The following RFX3 variants were observed in gnomAD, a reference collection of about 807,000 sequenced individuals.
RFX3 encodes the protein transcription factor RFX3.
Under a neutral mutation model 98.6 loss-of-function variants are expected in RFX3, and 14 were observed. The observed-to-expected ratio is 0.14, with a 90% CI of 0.09 to 0.22. The LOEUF (loss-of-function observed/expected upper bound fraction) is 0.22. Ranked by LOEUF, RFX3 falls within the 10% of genes least tolerant of loss-of-function variation. The pLI is 1.00. For missense variants in RFX3, 639 were observed against 926.9 expected (o/e 0.69, Z 4.03); for synonymous variants, 383 against 328.4 (o/e 1.17, Z -1.80).
chr9:3,415,097 CAT>C (rs201814673), intron 1 of RFX3, among the ~76,000 whole-genome samples: 3 of 85,910 alleles, frequency 3.5e-5, no homozygotes, highest in South Asian at 2.8e-4. Context: ...TATATATACT[CAT>C]ATATAAGTAT....
At chr9:3,424,945 G>C (rs1843863723) in intron 1 of RFX3, among the ~76,000 whole-genome samples, 1 of 152,096 alleles carries the variant, frequency 6.6e-6, no homozygotes, top group Non-Finnish European at 1.5e-5. Context: ...ATGATTTTTT[G>C]TTGGCCAGGC....
chr9:3,404,933 T>G (rs1320263643), intron 1 of RFX3, among the ~76,000 whole-genome samples: 1 of 152,190 alleles, frequency 6.6e-6, no homozygotes, highest in Non-Finnish European at 1.5e-5. Context: ...GCTGACACTT[T>G]GTTATTTAGT....
At chr9:3,285,796 A>G (rs1405644060) in intron 7 of RFX3, among the ~76,000 whole-genome samples, 1 of 151,752 alleles carries the variant, frequency 6.6e-6, no homozygotes, top group Non-Finnish European at 1.5e-5. Context: ...TGAGATTCTT[A>G]TATCATTTCT....
Position 3,424,348 on chromosome 9 carries a change from C to CTTTT in RFX3, c.-8-28756_-8-28753dup, listed in dbSNP as rs748693786. ...AGAGTCACTGTAATTACATAATTGA[C>CTTTT]TTTTTTTTTTTTTTTTTTTTTTTTT... On this transcript the variant is annotated intron_variant, in intron 1 of 16. Coordinates refer to ENST00000617270, the MANE Select transcript of RFX3 (RefSeq NM_001282116.2). 2.0e-3 allele frequency among the ~76,000 whole-genome samples: 150 copies of CTTTT among 76,008 alleles called. 44 individuals are homozygous for CTTTT. The highest frequency in any genetic ancestry group is 5.5e-3 in the African/African-American group (85 of 15,420). 49.9% of individuals were successfully genotyped at this position (76,008 alleles called of 152,430 possible). A position where few individuals can be genotyped will look rare whatever the true frequency, so the allele number is the denominator to read the frequency against.
chr9:3,250,399 G>A (rs1350314739), intron 14 of RFX3, among the ~76,000 whole-genome samples: 2 of 151,918 alleles, frequency 1.3e-5, no homozygotes, highest in Non-Finnish European at 2.9e-5. Context: ...TGGAATTAAA[G>A]AAATGAAAAT....
chr9:3,484,671 C>T (rs531595574), intron 1 of RFX3, among the ~76,000 whole-genome samples: 15 of 152,228 alleles, frequency 9.9e-5, no homozygotes, highest in African/African-American at 3.1e-4. Flanking sequence ...TTACTAAAAG[C>T]GGATCAAGTT....
chr9:3,476,282 C>A (rs957995878), intron 1 of RFX3, among the ~76,000 whole-genome samples: 3 of 151,454 alleles, frequency 2.0e-5, no homozygotes, highest in African/African-American at 7.3e-5. Flanking sequence ...TGGAACAACT[C>A]GTGCCCCTGG....
chr9:3,270,289 A>C, intron 11 of RFX3, 82 bp downstream of exon 11: 4 of 1,309,622 alleles, frequency 3.1e-6, no homozygotes, highest in Non-Finnish European at 4.2e-6. Context: ...GAATCATTCT[A>C]GATTGCAATG....
chr9:3,274,352 C>T (rs1480777355), intron 9 of RFX3, among the ~76,000 whole-genome samples: 1 of 152,190 alleles, frequency 6.6e-6, no homozygotes, highest in African/African-American at 2.4e-5. Context: ...ATCTTTTACT[C>T]CTAAGTAGAT....
chr9:3,460,490 C>T (rs1209274175), intron 1 of RFX3, among the ~76,000 whole-genome samples: 1 of 151,930 alleles, frequency 6.6e-6, no homozygotes, highest in East Asian at 1.9e-4. Flanking sequence ...CCCAGTTTTC[C>T]TCTACCTTAT....
At chr9:3,339,600 A>C (rs1203515775) in intron 3 of RFX3, among the ~76,000 whole-genome samples, 1 of 152,218 alleles carries the variant, frequency 6.6e-6, no homozygotes, top group African/African-American at 2.4e-5. Flanking sequence ...CATTCAACAA[A>C]TATAGATTGA....
At position 3,326,517 on chromosome 9, in the gene RFX3, G is replaced by A. The variant is rs545944416; in HGVS notation, c.474+3742C>T. On this transcript the variant is annotated intron_variant, in intron 4 of 16. Transcript: ENST00000617270. ...TACCCTCCTCTAAAGCCCAGTGTGT[G>A]CTGTTCCCCTCTATGTGTCCATGTA... is the stretch of plus-strand genomic sequence containing the variant. 2.5e-3 allele frequency among the ~76,000 whole-genome samples: 374 copies of A among 152,170 alleles called. 1 individual carries two copies. The highest frequency in any genetic ancestry group is 6.2e-3 in the South Asian group (30 of 4,824).
chr9:3,420,427 C>T (rs1275658888), intron 1 of RFX3, among the ~76,000 whole-genome samples: 1 of 152,198 alleles, frequency 6.6e-6, no homozygotes, highest in Non-Finnish European at 1.5e-5. Context: ...TACAGCTTTA[C>T]TATTTACAAA....
At chr9:3,468,815 G>GAAAAAAAAAAAA (rs34057815) in intron 1 of RFX3, among the ~76,000 whole-genome samples, 21 of 84,212 alleles carry the variant, frequency 2.5e-4, no homozygotes, top group Non-Finnish European at 4.3e-4. Flanking sequence ...TTTTCCTTTT[G>GAAAAAAAAAAAA]AAAAAAAAAA....
chr9:3,248,380 C>A (rs1012165659), intron 14 of RFX3, among the ~76,000 whole-genome samples, 195 bp from the exon 15 acceptor site: 3 of 152,154 alleles, frequency 2.0e-5, no homozygotes, highest in South Asian at 2.1e-4. Flanking sequence ...GTAATCCTCA[C>A]GGAGACTTGA....
At chr9:3,285,851 A>G (rs1246592814) in intron 7 of RFX3, among the ~76,000 whole-genome samples, 1 of 151,808 alleles carries the variant, frequency 6.6e-6, no homozygotes, top group East Asian at 1.9e-4. Flanking sequence ...AAGTACCACT[A>G]TCCTGAGAAT....
intron 1 of RFX3, among the ~76,000 whole-genome samples, chr9:3,397,359 T>G (rs1245888039): frequency 6.6e-6 from 1 of 152,244 alleles, no homozygotes; most frequent in Non-Finnish European, 1.5e-5. Context: ...CATCATAGTT[T>G]AAATCTATAT....
At chr9:3,301,645 A>C in intron 4 of RFX3, 25 bp from the exon 5 acceptor site, 1 of 1,534,570 alleles carries the variant, frequency 6.5e-7, no homozygotes, top group African/African-American at 1.4e-5. Flanking sequence ...CATTAAAAAA[A>C]GGGCTCAAGA....
At position 3,288,247 on chromosome 9, in the gene RFX3, T is replaced by A; in HGVS notation, c.735A>T (p.Gly245=). ...GLRTRRLGTR[G]NSKYHYYGIR... ...TCCCATAGTAGTGGTATTTGGAGTT[T>A]CCTCTTCATTAATGAACAAGAAACA... Residue 245 remains glycine (G), a synonymous_variant, in exon 7 of 17, where the codon GGA becomes GGT. Transcript: ENST00000617270. 6.2e-7 allele frequency: 1 copy of A among 1,611,732 alleles called. No individual in the cohort carries two copies. Among genetic ancestry groups the A allele is most frequent in the Admixed American group, 1.7e-5 (1 of 59,892 alleles).
Sources: allele counts gnomAD v4.1 joint callset (sites outside exome capture counted in the v4.1 genomes callset), GRCh38; gene constraint gnomAD v4.1.1; transcripts MANE v1.5; gene names NCBI Gene and HGNC (gene_info 2026-07-23, HGNC 2026-07-21).